Variants in SEC31B observed in about 807,000 individuals in gnomAD.
The protein encoded by SEC31B is SEC31 homolog B, COPII component.
A neutral mutation model predicts 135.0 loss-of-function variants in SEC31B; 113 were observed. The ratio of observed to expected loss-of-function variants is 0.84; its 90% CI spans 0.72 to 0.98. The LOEUF is 0.98. Ranked by LOEUF, SEC31B falls within the 50% of genes least tolerant of loss-of-function variation. SEC31B has a pLI of 0.00. For synonymous variants in SEC31B, 508 were observed against 549.4 expected, an observed-to-expected ratio of 0.92 and a Z score of 1.05; for missense variants, 1,296 against 1,421.1, an observed-to-expected ratio of 0.91 and a Z score of 1.42.
At position 100,490,286 on chromosome 10, in the gene SEC31B, A is replaced by G. The variant is rs767210288; in HGVS notation, c.2687T>C (p.Val896Ala). ...SQPQLLGGQR[V>A]QVPNPVGFPG... ...GAATCCCACCGGGTTAGGAACTTGC[A>G]CCCTTTGCCCTCCTAATAGCTGTGG... Residue 896 changes from valine (V) to alanine (A), a missense_variant, in exon 21 of 26, where the codon GTG becomes GCG. By Grantham distance (64) the Val-to-Ala change is moderately conservative. Transcript: ENST00000370345. 49 of 1,613,692 alleles carry G rather than the reference A, an allele frequency of 3.0e-5. No homozygotes were observed. Among genetic ancestry groups the G allele is most frequent in the Non-Finnish European group, 3.6e-5 (43 of 1,179,890 alleles).
intron 14 of SEC31B, 41 bp downstream of exon 14, chr10:100,498,664 T>C: frequency 6.8e-7 from 1 of 1,481,190 alleles, no homozygotes; most frequent in Admixed American, 1.7e-5. Flanking sequence ...GCCCACCTAG[T>C]CCTAAGCAGA....
At chr10:100,496,152 A>C in intron 18 of SEC31B, 106 bp downstream of exon 18, 1 of 1,214,094 alleles carries the variant, frequency 8.2e-7, no homozygotes, top group Non-Finnish European at 1.2e-6. Flanking sequence ...CATCTTATCT[A>C]TCCTAGGAGC....
chr10:100,489,161 T>C, intron 23 of SEC31B, 91 bp downstream of exon 23: 1 of 1,476,954 alleles, frequency 6.8e-7, no homozygotes, highest in Non-Finnish European at 9.0e-7. Context: ...CCTCAGCACA[T>C]GCCTTGAGGA....
At chr10:100,512,495 C>T (rs1177818897) in intron 3 of SEC31B, among the ~76,000 whole-genome samples, 1 of 152,232 alleles carries the variant, frequency 6.6e-6, no homozygotes, top group African/African-American at 2.4e-5. Flanking sequence ...CATGCACTCT[C>T]TTCAGTCTAT....
chr10:100,490,400 G>A, intron 20 of SEC31B, 78 bp from the exon 21 acceptor site: 2 of 1,371,202 alleles, frequency 1.5e-6, no homozygotes, highest in Non-Finnish European at 2.0e-6. Context: ...GGGAGAAACA[G>A]GATTGCAATA....
At chr10:100,516,743 T>C (rs1309428586) in intron 2 of SEC31B, 131 bp downstream of exon 2, 1 of 704,546 alleles carries the variant, frequency 1.4e-6, no homozygotes, top group East Asian at 2.8e-5. Context: ...ATCTCCTTGC[T>C]TATGCTGTGA....
In SEC31B at chr10:100,499,580, A is replaced by T. The variant is rs1318200246; in HGVS notation, c.1429T>A (p.Ser477Thr). The T allele has an allele frequency of 6.2e-7, 1 of 1,611,644 alleles. No individual in the cohort carries two copies. The highest frequency in any genetic ancestry group is 1.1e-5 in the South Asian group (1 of 90,352). Residue 477 changes from serine to threonine, a missense_variant, in exon 12 of 26, where the codon TCC (serine) becomes ACC (threonine). Physicochemically the swap from Ser to Thr is moderately conservative, Grantham distance 58. Transcript: ENST00000370345. ...QFLKVTLEQD[S>T]RMKFLKLLGY... is the part of the protein sequence containing the mutation. ...AAAAGCTTTAGGAATTTCATTCTGG[A>T]GTCTTGCTCTAAGGTCACCTAAGAA...
chr10:100,506,313 C>T lies in SEC31B; in HGVS notation c.882+8G>A. The T allele has an allele frequency of 6.2e-7, 1 of 1,614,122 alleles. No homozygotes were observed. Among genetic ancestry groups the T allele is most frequent in the Non-Finnish European group, 8.5e-7 (1 of 1,179,994 alleles). On this transcript the variant is annotated splice_region_variant and intron_variant, in intron 8 of 25. Coordinates refer to ENST00000370345, the MANE Select transcript of SEC31B (RefSeq NM_015490.4). ...CATCCCAGCATGCCCACAGAAGGGC[C>T]AGCCTACCTCACTGCTCCCCAGGTT...
Position 100,490,060 on chromosome 10 carries a change from A to G in SEC31B, c.2913T>C (p.Gly971=), listed in dbSNP as rs1259102845. The G allele has an allele frequency of 6.4e-7, 1 of 1,564,200 alleles. No individual in the cohort carries two copies. The highest frequency in any genetic ancestry group is 2.0e-5 in the Admixed American group (1 of 51,168). The change falls in exon 21 of 26, where the codon GGT becomes GGC. Residue 971 remains glycine, a synonymous_variant. Coordinates refer to ENST00000370345, the MANE Select transcript of SEC31B (RefSeq NM_015490.4). The part of the protein sequence containing the change: ...FPVPYLPGDP[G]APCSSVLPTT... Reference sequence around the variant, plus strand: ...TTGGGAGGACACTAGAGCATGGGGCACCTGGGTCCCCTGGAAGGTATGGCA... The same window carrying G: ...TTGGGAGGACACTAGAGCATGGGGCGCCTGGGTCCCCTGGAAGGTATGGCA...
At chr10:100,510,484 C>T (rs1851717817) in intron 3 of SEC31B, among the ~76,000 whole-genome samples, 1 of 152,222 alleles carries the variant, frequency 6.6e-6, no homozygotes, top group African/African-American at 2.4e-5. Context: ...AGTTTGGGTC[C>T]TCTGCAAAGC....
intron 18 of SEC31B, 123 bp from the exon 19 acceptor site, chr10:100,495,669 T>C (rs1489685215): frequency 1.2e-5 from 13 of 1,056,546 alleles, no homozygotes; most frequent in Non-Finnish European, 1.8e-5. Context: ...TTTGTTGTTG[T>C]TGTTGTTCTG....
intron 17 of SEC31B, 121 bp from the exon 18 acceptor site, chr10:100,496,552 A>C: frequency 3.1e-6 from 3 of 977,714 alleles, no homozygotes; most frequent in Non-Finnish European, 4.5e-6. Flanking sequence ...GACCATACCT[A>C]GGTGAAGGCA....
Position 100,487,381 on chromosome 10 carries a change from T to C in SEC31B, c.*235A>G, listed in dbSNP as rs1851200261. The C allele has an allele frequency of 1.8e-6, 1 of 546,526 alleles. No individual in the cohort carries two copies. The highest frequency in any genetic ancestry group is 1.9e-5 in the African/African-American group (1 of 52,916). The allele number at this position is 546,526 out of a possible 1,614,324, so 33.9% of individuals were successfully genotyped here. On this transcript the variant is annotated 3_prime_UTR_variant, in exon 26 of 26. Coordinates refer to ENST00000370345, the MANE Select transcript of SEC31B (RefSeq NM_015490.4). ...GTATTAGGGAGAGTGAAGAACTGAT[T>C]CTATGCCCTGCCTCCAGGCCTGAGA...
Position 100,487,455 on chromosome 10 carries a change from G to A in SEC31B, c.*161C>T. 1 of 664,244 alleles carries A rather than the reference G, an allele frequency of 1.5e-6. No homozygotes were observed. The highest frequency in any genetic ancestry group is 1.9e-5 in the South Asian group (1 of 52,328). The allele number at this position is 664,244 out of a possible 1,614,324, so 41.1% of individuals were successfully genotyped here. A position where few individuals can be genotyped will look rare whatever the true frequency, so the allele number is the denominator to read the frequency against. Reference sequence around the variant, plus strand: ...GCCAGACATAAAGGAGTAAAAAGCAGGCACTCAGCTGGTTTGGAGCCAAGC... The same window carrying A: ...GCCAGACATAAAGGAGTAAAAAGCAAGCACTCAGCTGGTTTGGAGCCAAGC... On this transcript the variant is annotated 3_prime_UTR_variant, in exon 26 of 26. Coordinates refer to ENST00000370345, the MANE Select transcript of SEC31B (RefSeq NM_015490.4).
rs562144008 is a variant in SEC31B, at chr10:100,488,408, G to A, written c.3289-310C>T. On this transcript the variant is annotated intron_variant, in intron 24 of 25. Transcript: ENST00000370345. ...CGGGAGGCAGAGCTTGCAGTGAGCC[G>A]AGATCGCGCCACTGCACTCCAGCCT... Among the ~76,000 whole-genome samples the A allele has an allele frequency of 6.8e-5, 10 of 147,112 alleles. No homozygotes were observed. In the South Asian group the frequency reaches 1.3e-3, roughly 19 times the overall value.
intron 5 of SEC31B, chr10:100,508,735 T>G: frequency 2.0e-6 from 1 of 512,400 alleles, no homozygotes; most frequent in East Asian, 3.7e-5. Context: ...CATCCCTTCT[T>G]GTGGTGTCTT....
intron 18 of SEC31B, among the ~76,000 whole-genome samples, chr10:100,495,857 C>A (rs964822269): frequency 6.6e-6 from 1 of 152,132 alleles, no homozygotes; most frequent in African/African-American, 2.4e-5. Flanking sequence ...TACTCTAGCC[C>A]CCTTAGAGAT....
At chr10:100,508,914 T>A (rs1347624292) in intron 5 of SEC31B, 93 bp downstream of exon 5, 11 of 948,678 alleles carry the variant, frequency 1.2e-5, no homozygotes, top group Non-Finnish European at 1.7e-5. Flanking sequence ...AAGTTTGATA[T>A]CTCTTGAGCT....
At chr10:100,496,838 C>T (rs887970599) in intron 17 of SEC31B, among the ~76,000 whole-genome samples, 2 of 152,256 alleles carry the variant, frequency 1.3e-5, no homozygotes, top group Non-Finnish European at 2.9e-5. Flanking sequence ...ATCCACAGAA[C>T]TTTCCACAGT....
Sources: gnomAD v4.1 joint callset for allele counts (sites outside exome capture counted in the v4.1 genomes callset) on GRCh38, gnomAD v4.1.1 for gene constraint, MANE v1.5 for transcripts, NCBI Gene and HGNC (gene_info 2026-07-23, HGNC 2026-07-21) for gene names.